FRMD4B: variants seen among roughly 807,000 people sequenced by gnomAD.
FRMD4B encodes the protein FERM domain containing 4B.
In FRMD4B, 74 loss-of-function variants were observed where a neutral mutation model predicts 141.5. The ratio of observed to expected loss-of-function variants is 0.52; its 90% CI spans 0.43 to 0.63. FRMD4B has a LOEUF of 0.63. Among genes scored for constraint, FRMD4B ranks in the 30% least tolerant of loss-of-function variants. The pLI is 0.00. For synonymous variants in FRMD4B, 506 were observed against 467.9 expected (o/e 1.08, Z -1.05); for missense variants, 1,366 against 1,253.4 (o/e 1.09, Z -1.36).
Position 69,195,157 on chromosome 3 carries a change from G to A in FRMD4B, c.1369-16C>T. On this transcript the variant is annotated splice_polypyrimidine_tract_variant and intron_variant, in intron 15 of 22. Coordinates refer to ENST00000398540, the MANE Select transcript of FRMD4B (RefSeq NM_015123.3). ...CTGTGAGCTCCTGTAAAACAGGACA[G>A]AATCAAGAGCAGATAATTGACACTG... 4.3e-6 allele frequency: 7 copies of A among 1,613,842 alleles called. No individual in the cohort carries two copies. Among genetic ancestry groups the A allele is most frequent in the Non-Finnish European group, 5.9e-6 (7 of 1,179,812 alleles).
chr3:69,227,016 TAAAG>T (rs1207302053), intron 7 of FRMD4B, among the ~76,000 whole-genome samples: 1 of 152,174 alleles, frequency 6.6e-6, no homozygotes, highest in Non-Finnish European at 1.5e-5. Context: ...ATCTAGTGCC[TAAAG>T]AAATAGCTGT....
intron 5 of FRMD4B, among the ~76,000 whole-genome samples, chr3:69,250,596 T>G (rs913781487): frequency 3.9e-5 from 6 of 152,160 alleles, no homozygotes; most frequent in African/African-American, 1.4e-4. Flanking sequence ...AATGACACAT[T>G]GTTGAGTTCA....
intron 1 of FRMD4B, chr3:69,433,153 T>C (rs553566266): frequency 6.6e-6 from 1 of 152,214 alleles, no homozygotes; most frequent in South Asian, 2.1e-4. Flanking sequence ...TCCGAAGCCA[T>C]GTTTCAGAGT....
intron 2 of FRMD4B, among the ~76,000 whole-genome samples, chr3:69,395,728 C>A (rs1387303909): frequency 6.6e-6 from 1 of 152,002 alleles, no homozygotes; most frequent in Non-Finnish European, 1.5e-5. Flanking sequence ...GAATTGTATA[C>A]AAGAAGAGCA....
At chr3:69,174,237 C>T (rs6809451) in intron 22 of FRMD4B, among the ~76,000 whole-genome samples, 1,822 of 152,256 alleles carry the variant, frequency 0.012, 40 homozygotes, top group African/African-American at 0.04. Flanking sequence ...GGAGCTGCTA[C>T]GTAAAGTAGG....
chr3:69,397,197 C>T (rs932863816), intron 2 of FRMD4B, among the ~76,000 whole-genome samples: 2 of 152,048 alleles, frequency 1.3e-5, no homozygotes, highest in Non-Finnish European at 2.9e-5. Context: ...GAATGAAATA[C>T]TGGTACGTAC....
At chr3:69,410,719 A>T (rs1704740019) in intron 2 of FRMD4B, among the ~76,000 whole-genome samples, 1 of 66,462 alleles carries the variant, frequency 1.5e-5, no homozygotes, top group South Asian at 6.9e-4. Context: ...AAATAAATAA[A>T]TAAATAAATA....
intron 2 of FRMD4B, among the ~76,000 whole-genome samples, chr3:69,413,827 C>T (rs915147736): frequency 3.9e-5 from 6 of 151,982 alleles, no homozygotes; most frequent in Admixed American, 3.9e-4. Flanking sequence ...CAGAGAAGTG[C>T]GGGCAAGAAG....
At chr3:69,328,054 T>C (rs1272596328) in intron 1 of FRMD4B, among the ~76,000 whole-genome samples, 1 of 152,128 alleles carries the variant, frequency 6.6e-6, no homozygotes, top group African/African-American at 2.4e-5. Context: ...AAAGATTTAT[T>C]GGCAAGCACC....
chr3:69,523,182 T>A (rs1479435818), intron 1 of FRMD4B, among the ~76,000 whole-genome samples: 1 of 151,352 alleles, frequency 6.6e-6, no homozygotes, highest in Non-Finnish European at 1.5e-5. Context: ...AGAATGATCA[T>A]ATCGTATGAT....
intron 1 of FRMD4B, among the ~76,000 whole-genome samples, chr3:69,489,353 T>C (rs1311840064): frequency 6.7e-6 from 1 of 148,668 alleles, no homozygotes; most frequent in African/African-American, 2.5e-5. Flanking sequence ...ATAAAATGTA[T>C]ACATATATAA....
intron 22 of FRMD4B, 127 bp downstream of exon 22, chr3:69,176,397 T>C (rs1394622117): frequency 1.4e-6 from 1 of 712,128 alleles, no homozygotes; most frequent in Non-Finnish European, 2.5e-6. Flanking sequence ...AGATGGCAGC[T>C]GGAGTTGGCC....
At chr3:69,331,079 T>C (rs1702352924) in intron 1 of FRMD4B, among the ~76,000 whole-genome samples, 1 of 152,302 alleles carries the variant, frequency 6.6e-6, no homozygotes, top group South Asian at 2.1e-4. Context: ...TGAGGCTGTA[T>C]CCAGGGAACC....
chr3:69,509,768 A>C (rs1019853405), intron 1 of FRMD4B, among the ~76,000 whole-genome samples: 1 of 151,892 alleles, frequency 6.6e-6, no homozygotes, highest in African/African-American at 2.4e-5. Context: ...ATATCAAGCA[A>C]ATCTATTGGT....
chr3:69,318,555 C>G (rs1575726416), intron 1 of FRMD4B, among the ~76,000 whole-genome samples: 1 of 152,186 alleles, frequency 6.6e-6, no homozygotes, highest in East Asian at 1.9e-4. Context: ...GAGAAAAACA[C>G]CAGGGTTACA....
intron 5 of FRMD4B, among the ~76,000 whole-genome samples, chr3:69,281,487 C>T (rs1470260515): frequency 2.0e-5 from 3 of 152,046 alleles, no homozygotes; most frequent in Non-Finnish European, 2.9e-5. Context: ...TTGTGTTAGT[C>T]AACCACAATT....
Position 69,287,792 on chromosome 3 carries a change from A to G in FRMD4B, c.461T>C (p.Val154Ala). ...CTTTGCATTCAGGAAAAACAGCTCCACGGTGGTTTTATCCTTTAAAAACGA... is the reference window on the plus strand; with the variant it reads ...CTTTGCATTCAGGAAAAACAGCTCCGCGGTGGTTTTATCCTTTAAAAACGA... ...SISFLKDKTT[V>A]ELFFLNAKAC... The change falls in exon 5 of 23, where the codon GTG becomes GCG. Residue 154 changes from valine (V) to alanine (A), a missense_variant. By Grantham distance (64) the Val-to-Ala change is moderately conservative (BLOSUM62 0). Coordinates refer to ENST00000398540, the MANE Select transcript of FRMD4B (RefSeq NM_015123.3). 1 of 1,605,548 alleles carries G rather than the reference A, an allele frequency of 6.2e-7. No individual in the cohort carries two copies. The highest frequency in any genetic ancestry group is 8.5e-7 in the Non-Finnish European group (1 of 1,173,530).
chr3:69,190,935 T>C (rs2092828851), intron 17 of FRMD4B, among the ~76,000 whole-genome samples: 1 of 152,204 alleles, frequency 6.6e-6, no homozygotes, highest in South Asian at 2.1e-4. Context: ...ACAATGGGGA[T>C]AACAACAGTA....
At chr3:69,361,101 T>C (rs1703459630) in intron 1 of FRMD4B, among the ~76,000 whole-genome samples, 1 of 152,222 alleles carries the variant, frequency 6.6e-6, no homozygotes, top group Non-Finnish European at 1.5e-5. Context: ...CATTTTGTCA[T>C]TATGAACATA....
Sources: allele counts gnomAD v4.1 joint callset (sites outside exome capture counted in the v4.1 genomes callset), GRCh38; gene constraint gnomAD v4.1.1; transcripts MANE v1.5; gene names NCBI Gene and HGNC (gene_info 2026-07-23, HGNC 2026-07-21).